FMN2: variants seen among roughly 807,000 people sequenced by gnomAD.
FMN2 encodes the protein formin-2.
A neutral mutation model predicts 142.3 loss-of-function variants in FMN2; 51 were observed. The ratio of observed to expected loss-of-function variants is 0.36; its 90% CI spans 0.29 to 0.45. The LOEUF (loss-of-function observed/expected upper bound fraction) is 0.45. Among genes scored for constraint, FMN2 ranks in the 20% least tolerant of loss-of-function variants. FMN2 has a pLI of 1.00. For synonymous variants in FMN2, 882 were observed against 869.8 expected, an observed-to-expected ratio of 1.01 and a Z score of -0.25; for missense variants, 1,936 against 2,122.8, an observed-to-expected ratio of 0.91 and a Z score of 1.73.
intron 4 of FMN2, among the ~76,000 whole-genome samples, chr1:240,201,130 TAAATA>T (rs1474060683): frequency 2.0e-5 from 3 of 152,120 alleles, no homozygotes; most frequent in Admixed American, 6.5e-5. Context: ...GTTTAAAAAA[TAAATA>T]AAATACATAA....
intron 16 of FMN2, among the ~76,000 whole-genome samples, chr1:240,445,691 G>A (rs1403536949): frequency 7.1e-6 from 1 of 140,452 alleles, no homozygotes; most frequent in Admixed American, 8.2e-5. Flanking sequence ...TCAATAGGAA[G>A]CCATCAAAGG....
intron 2 of FMN2, chr1:240,144,275 G>T: frequency 1.2e-6 from 2 of 1,603,656 alleles, no homozygotes; most frequent in Non-Finnish European, 1.7e-6. Context: ...GTTCATGCGG[G>T]CAGAGTCCAC....
At chr1:240,278,082 A>G (rs1279994485) in intron 7 of FMN2, among the ~76,000 whole-genome samples, 4 of 152,320 alleles carry the variant, frequency 2.6e-5, no homozygotes, top group Middle Eastern at 3.4e-3. Context: ...CAGTGGTCCA[A>G]TGAACCCCGA....
At chr1:240,154,129 A>AAACAAAAAAAG (rs3047192) in intron 2 of FMN2, among the ~76,000 whole-genome samples, 1 of 102,154 alleles carries the variant, frequency 9.8e-6, no homozygotes, top group Non-Finnish European at 2.0e-5. Flanking sequence ...AAAAAAAAAA[A>AAACAAAAAAAG]AAGTGTTACT....
intron 4 of FMN2, among the ~76,000 whole-genome samples, chr1:240,194,038 TTTTGTTTTTG>T (rs1188947176): frequency 6.6e-6 from 1 of 152,120 alleles, no homozygotes; most frequent in East Asian, 1.9e-4. Context: ...TTTTGTTTTG[TTTTGTTTTTG>T]TTTGTTTTTT....
At chr1:240,346,848 C>T (rs1174233858) in intron 13 of FMN2, among the ~76,000 whole-genome samples, 1 of 151,994 alleles carries the variant, frequency 6.6e-6, no homozygotes, top group East Asian at 1.9e-4. Flanking sequence ...AAATAAGCAT[C>T]ATTAAAGAAC....
chr1:240,144,460 C>T, intron 2 of FMN2: 1 of 1,574,188 alleles, frequency 6.4e-7, no homozygotes, highest in Non-Finnish European at 8.7e-7. Context: ...CTTCACTCAG[C>T]TCCAGGAACA....
chr1:240,267,998 G>A (rs140008568), intron 7 of FMN2, among the ~76,000 whole-genome samples: 34 of 152,006 alleles, frequency 2.2e-4, no homozygotes, highest in African/African-American at 5.3e-4. Flanking sequence ...AGATACTAGC[G>A]AGGCTGTGAG....
intron 14 of FMN2, 43 bp downstream of exon 14, chr1:240,355,951 CAAAAA>C (rs58002724): frequency 7.9e-5 from 20 of 252,950 alleles, no homozygotes; most frequent in African/African-American, 6.6e-4. Flanking sequence ...CCCCTTTCAG[CAAAAA>C]AAAAAAAAAA....
intron 2 of FMN2, chr1:240,142,575 T>TC (rs1663234212): frequency 2.3e-6 from 3 of 1,302,002 alleles, no homozygotes; most frequent in East Asian, 4.7e-5. Context: ...AGGCAACAAT[T>TC]CCCCCGGAAG....
chr1:240,344,366 G>C (rs1245186457), intron 13 of FMN2, among the ~76,000 whole-genome samples: 1 of 152,264 alleles, frequency 6.6e-6, no homozygotes, highest in Middle Eastern at 3.4e-3. Flanking sequence ...AGGTTACTGT[G>C]ATGTTTTGCT....
intron 8 of FMN2, among the ~76,000 whole-genome samples, chr1:240,326,343 C>G (rs1041022652): frequency 1.8e-4 from 27 of 152,148 alleles, no homozygotes; most frequent in African/African-American, 6.5e-4. Flanking sequence ...CAGAAATGGT[C>G]TAATAGAGTA....
intron 6 of FMN2, among the ~76,000 whole-genome samples, chr1:240,214,579 GA>G (rs1363777266): frequency 6.7e-6 from 1 of 149,970 alleles, no homozygotes; most frequent in African/African-American, 2.5e-5. Flanking sequence ...AAAAGAAAAA[GA>G]AAAAGTGATC....
intron 16 of FMN2, among the ~76,000 whole-genome samples, chr1:240,447,323 T>C (rs1250123743): frequency 6.6e-6 from 1 of 152,146 alleles, no homozygotes; most frequent in Non-Finnish European, 1.5e-5. Context: ...TTTGAGAATA[T>C]ATATTTCAAT....
chr1:240,280,696 T>TG (rs889032387), intron 7 of FMN2, among the ~76,000 whole-genome samples: 9 of 152,288 alleles, frequency 5.9e-5, no homozygotes, highest in African/African-American at 2.2e-4. Flanking sequence ...TAAAGTACAG[T>TG]GCGTTGTTTG....
rs1458381072 is a variant in FMN2, at chr1:240,473,240, G to A, written c.5142+787G>A. Among the ~76,000 whole-genome samples, 2 of 152,162 alleles carry A rather than the reference G, an allele frequency of 1.3e-5. No homozygotes were observed. The highest frequency in any genetic ancestry group is 1.3e-4 in the Admixed American group (2 of 15,282). ...CGGCAGAGTTGGCTGCCGGAGAGTG[G>A]TCAGTCCAGAGACGGAGTTTAACAA... is the stretch of plus-strand genomic sequence containing the variant. On this transcript the variant is annotated intron_variant, in intron 17 of 17. Transcript: ENST00000319653. This position sits in a 1 kb window ranked among gnomAD's most constrained non-coding sequence, Gnocchi z 4.3.
chr1:240,180,315 A>G (rs919214119), intron 3 of FMN2: 2 of 414,986 alleles, frequency 4.8e-6, no homozygotes, highest in Non-Finnish European at 8.1e-6. Flanking sequence ...CCTGACGTAA[A>G]TTTGGAGAGA....
At chr1:240,206,353 T>C (rs1666351777) in intron 4 of FMN2, among the ~76,000 whole-genome samples, 1 of 152,162 alleles carries the variant, frequency 6.6e-6, no homozygotes, top group Non-Finnish European at 1.5e-5. Context: ...ATCAAAAATA[T>C]TTTATATATT....
At chr1:240,279,933 T>C (rs1669344121) in intron 7 of FMN2, among the ~76,000 whole-genome samples, 1 of 152,156 alleles carries the variant, frequency 6.6e-6, no homozygotes, top group Admixed American at 6.6e-5. Flanking sequence ...GGGAGGGTGA[T>C]AAATATGTGG....
Sources: gnomAD v4.1 joint callset for allele counts (sites outside exome capture counted in the v4.1 genomes callset) on GRCh38, gnomAD v4.1.1 for gene constraint, Gnocchi (gnomAD v3.1) non-coding constraint, MANE v1.5 for transcripts, NCBI Gene and HGNC (gene_info 2026-07-23, HGNC 2026-07-21) for gene names.